SNTG1: variants seen among roughly 807,000 people sequenced by gnomAD.
The protein encoded by SNTG1 is gamma-1-syntrophin.
In SNTG1, 39 loss-of-function variants were observed where a neutral mutation model predicts 74.7. The observed-to-expected ratio is 0.52, with a 90% CI of 0.40 to 0.68. The LOEUF (loss-of-function observed/expected upper bound fraction) is 0.68. Among genes scored for constraint, SNTG1 ranks in the 30% least tolerant of loss-of-function variants. The pLI, the probability that SNTG1 is intolerant of heterozygous loss-of-function variation, is 0.00. For missense variants in SNTG1, 685 were observed against 609.5 expected, an observed-to-expected ratio of 1.12 and a Z score of -1.30; for synonymous variants, 254 against 217.1, an observed-to-expected ratio of 1.17 and a Z score of -1.49.
chr8:50,138,148 G>A (rs1051456221), intron 1 of SNTG1, among the ~76,000 whole-genome samples: 1 of 152,014 alleles, frequency 6.6e-6, no homozygotes, highest in Non-Finnish European at 1.5e-5. Context: ...ACATTAGTGT[G>A]AGGACTTTAA....
Position 49,911,979 on chromosome 8 carries a change from GA to G in SNTG1, c.-353del, listed in dbSNP as rs1400727759. 6.6e-6 allele frequency: 1 copy of G among 152,266 alleles called. No individual in the cohort carries two copies. The highest frequency in any genetic ancestry group is 1.5e-5 in the Non-Finnish European group (1 of 68,106). The allele number at this position is 152,266 out of a possible 1,614,324, so 9.4% of individuals were successfully genotyped here. On this transcript the variant is annotated 5_prime_UTR_variant, in exon 1 of 19. An upstream open reading frame in the 5' UTR loses its in-frame stop. Transcript: ENST00000642720. ...ATTAAACTCTCAGCAGCAACTTCAA[GA>G]ATCATTTTTCTATAGGGGTCTGGGA...
chr8:50,347,779 C>G (rs563776331), intron 2 of SNTG1, among the ~76,000 whole-genome samples: 1 of 152,084 alleles, frequency 6.6e-6, no homozygotes, highest in African/African-American at 2.4e-5. Flanking sequence ...GAAAGTATGA[C>G]GTTATGAGTC....
Position 50,766,464 on chromosome 8 carries a change from C to T in SNTG1, c.1395+14353C>T, listed in dbSNP as rs542430704. Among the ~76,000 whole-genome samples the T allele has an allele frequency of 7.9e-5, 12 of 151,894 alleles. No individual in the cohort carries two copies. In the East Asian group the frequency reaches 2.3e-3, roughly 30 times the overall value. ...TTTTATATAGCTTAATAGCTATTTGCGTGTAAAGCTTTCATCAGAACGTAT... is the reference window on the plus strand; with the variant it reads ...TTTTATATAGCTTAATAGCTATTTGTGTGTAAAGCTTTCATCAGAACGTAT... On this transcript the variant is annotated intron_variant, in intron 18 of 18. Coordinates refer to ENST00000642720, the MANE Select transcript of SNTG1 (RefSeq NM_018967.5).
At chr8:50,380,870 C>T (rs2092468185) in intron 2 of SNTG1, 1 of 152,158 alleles carries the variant, frequency 6.6e-6, no homozygotes. Flanking sequence ...GGCAAGATCT[C>T]TAGACAGAGG....
At chr8:50,642,744 C>A (rs2095081965) in intron 13 of SNTG1, among the ~76,000 whole-genome samples, 1 of 152,240 alleles carries the variant, frequency 6.6e-6, no homozygotes, top group East Asian at 1.9e-4. Flanking sequence ...TTTCTGTCTT[C>A]TTTTCCTTGA....
intron 8 of SNTG1, among the ~76,000 whole-genome samples, chr8:50,459,865 A>G (rs1179928150): frequency 6.6e-6 from 1 of 152,178 alleles, no homozygotes; most frequent in East Asian, 1.9e-4. Context: ...TTACTGCCAT[A>G]TAACATTTCA....
chr8:50,046,968 TG>T (rs538978652), intron 1 of SNTG1, among the ~76,000 whole-genome samples: 84 of 152,346 alleles, frequency 5.5e-4, no homozygotes, highest in African/African-American at 1.8e-3. Flanking sequence ...ATGTCATTTA[TG>T]TTATTAAGTT....
chr8:49,965,207 T>C (rs1052276054), intron 1 of SNTG1, among the ~76,000 whole-genome samples: 6 of 151,604 alleles, frequency 4.0e-5, no homozygotes, highest in Non-Finnish European at 7.4e-5. Flanking sequence ...AAGTCAACTG[T>C]GACAATCTAC....
At chr8:50,443,614 A>G (rs2093378212) in intron 5 of SNTG1, among the ~76,000 whole-genome samples, 1 of 152,198 alleles carries the variant, frequency 6.6e-6, no homozygotes, top group South Asian at 2.1e-4. Context: ...AACTATTGTT[A>G]TACCTTCCAC....
At chr8:50,453,713 T>G (rs2093476842) in intron 8 of SNTG1, among the ~76,000 whole-genome samples, 1 of 152,206 alleles carries the variant, frequency 6.6e-6, no homozygotes, top group African/African-American at 2.4e-5. Context: ...AATACATTAT[T>G]TTGATGGCAC....
At chr8:50,043,876 C>T (rs572370045) in intron 1 of SNTG1, among the ~76,000 whole-genome samples, 2 of 152,238 alleles carry the variant, frequency 1.3e-5, no homozygotes, top group South Asian at 2.1e-4. Context: ...AAATGCATTA[C>T]GCATGTCATA....
intron 17 of SNTG1, chr8:50,709,211 GTCTA>G (rs1441804111): frequency 5.7e-6 from 3 of 526,958 alleles, no homozygotes; most frequent in Admixed American, 3.3e-5. Context: ...TTATTTATAA[GTCTA>G]TCTATGTATG....
intron 2 of SNTG1, among the ~76,000 whole-genome samples, chr8:50,215,860 CA>C (rs1283056535): frequency 1.3e-5 from 2 of 152,028 alleles, no homozygotes. Context: ...AGGATCAATG[CA>C]AAAAACTTCT....
At chr8:50,004,428 G>T (rs1815023698) in intron 1 of SNTG1, among the ~76,000 whole-genome samples, 1 of 152,034 alleles carries the variant, frequency 6.6e-6, no homozygotes, top group Admixed American at 6.6e-5. Context: ...CCTAGTTGCT[G>T]GGAATTAAAT....
chr8:49,982,372 G>T (rs1261850450), intron 1 of SNTG1, among the ~76,000 whole-genome samples: 5 of 151,952 alleles, frequency 3.3e-5, no homozygotes, highest in African/African-American at 1.2e-4. Context: ...GGGCCCATCT[G>T]CTCCTTGGTA....
chr8:49,991,339 G>T (rs1238594097), intron 1 of SNTG1, among the ~76,000 whole-genome samples: 2 of 152,130 alleles, frequency 1.3e-5, no homozygotes, highest in Admixed American at 1.3e-4. Flanking sequence ...ATGCAAGGCT[G>T]GTGGGATTGT....
chr8:50,054,131 C>T (rs1387109307), intron 1 of SNTG1, among the ~76,000 whole-genome samples: 1 of 152,048 alleles, frequency 6.6e-6, no homozygotes, highest in Non-Finnish European at 1.5e-5. Context: ...TCCCAAATCT[C>T]CAATTTCAGC....
At chr8:49,933,411 C>T (rs1260533683) in intron 1 of SNTG1, among the ~76,000 whole-genome samples, 2 of 152,166 alleles carry the variant, frequency 1.3e-5, no homozygotes, top group African/African-American at 4.8e-5. Context: ...AACTTAAGAG[C>T]TCAAGATTCA....
At chr8:50,733,923 A>G (rs2095519210) in intron 17 of SNTG1, among the ~76,000 whole-genome samples, 1 of 151,756 alleles carries the variant, frequency 6.6e-6, no homozygotes, top group Admixed American at 6.6e-5. Context: ...TATTACTGTC[A>G]TGTCTAGGAC....
Sources: allele counts gnomAD v4.1 joint callset (sites outside exome capture counted in the v4.1 genomes callset), GRCh38; gene constraint gnomAD v4.1.1; transcripts MANE v1.5; gene names NCBI Gene and HGNC (gene_info 2026-07-23, HGNC 2026-07-21).